TTYH2: variants seen among roughly 807,000 people sequenced by gnomAD.
TTYH2 encodes the protein protein tweety homolog 2.
In TTYH2, 49 loss-of-function variants were observed where a neutral mutation model predicts 68.3. That is an observed-to-expected ratio of 0.72 (90% CI 0.57 to 0.91). The LOEUF is 0.91. Among genes scored for constraint, TTYH2 ranks in the 40% least tolerant of loss-of-function variants. The pLI is 0.00. For synonymous variants in TTYH2, 272 were observed against 300.8 expected (o/e 0.90, Z 0.99); for missense variants, 631 against 700.4 (o/e 0.90, Z 1.12).
chr17:74,250,437 GC>G, intron 10 of TTYH2, 80 bp downstream of exon 10: 1 of 1,209,484 alleles, frequency 8.3e-7, no homozygotes, highest in Non-Finnish European at 1.2e-6. Flanking sequence ...GCCGGTAGAG[GC>G]CGAGGGGAGC....
rs142378984 is a variant in TTYH2 at position 74,222,515 on chromosome 17, G to A, written c.160G>A (p.Val54Ile). The A allele has an allele frequency of 1.0e-4, 164 of 1,611,184 alleles. No individual in the cohort carries two copies. Among genetic ancestry groups the A allele is most frequent in the Non-Finnish European group, 1.3e-4 (151 of 1,179,818 alleles). Reference sequence around the variant, plus strand: ...GCTGTTCCTGGGGCTGGTGGCCGCCGTCTGCCTGGGCCTGAACCTCATCTT... The same window carrying A: ...GCTGTTCCTGGGGCTGGTGGCCGCCATCTGCCTGGGCCTGAACCTCATCTT... ...SLLFLGLVAA[V>I]CLGLNLIFLV... Residue 54 changes from valine to isoleucine, a missense_variant, in exon 2 of 14, where the codon GTC becomes ATC. Coordinates refer to ENST00000269346, the MANE Select transcript of TTYH2 (RefSeq NM_032646.6). This position sits in a 1 kb window ranked among gnomAD's most constrained non-coding sequence, Gnocchi z 5.2.
intron 8 of TTYH2, 23 bp downstream of exon 8, chr17:74,249,422 C>T (rs1258218641): frequency 6.2e-7 from 1 of 1,612,692 alleles, no homozygotes; most frequent in Admixed American, 1.7e-5. Context: ...GAGGCCTGCC[C>T]TCACCCTGCC....
intron 2 of TTYH2, among the ~76,000 whole-genome samples, chr17:74,228,050 C>T (rs1286276195): frequency 7.1e-6 from 1 of 140,864 alleles, no homozygotes; most frequent in Non-Finnish European, 1.5e-5. Flanking sequence ...ATGGTGCAAT[C>T]GTTGCTCCCT....
chr17:74,238,966 C>T (rs2050472160), intron 4 of TTYH2, among the ~76,000 whole-genome samples: 1 of 151,978 alleles, frequency 6.6e-6, no homozygotes, highest in Admixed American at 6.6e-5. Flanking sequence ...CCACCTCAGC[C>T]TCCCAAAGTC....
rs570363155 is a variant in TTYH2 at position 74,239,946 on chromosome 17, G to A, written c.635+2432G>A. On this transcript the variant is annotated intron_variant, in intron 4 of 13. Coordinates refer to ENST00000269346, the MANE Select transcript of TTYH2 (RefSeq NM_032646.6). The surrounding 1 kb of genome is among the most constrained non-coding windows in gnomAD (Gnocchi z 5.3). ...CTCTGAGCACACCTAGCAGAGGACT[G>A]TGTATGTTTAAGGGCCTCATGTGGG... is the stretch of plus-strand genomic sequence containing the variant. Among the ~76,000 whole-genome samples, 1 of 152,352 alleles carries A rather than the reference G, an allele frequency of 6.6e-6. No homozygotes were observed. The highest frequency in any genetic ancestry group is 1.9e-4 in the East Asian group (1 of 5,190).
At chr17:74,238,985 ACAGACATGAGC>A (rs1428875448) in intron 4 of TTYH2, among the ~76,000 whole-genome samples, 1 of 152,066 alleles carries the variant, frequency 6.6e-6, no homozygotes, top group African/African-American at 2.4e-5. Flanking sequence ...TCCAAGGATT[ACAGACATGAGC>A]CACCATGCCC....
rs1029397720 is a variant in TTYH2 at position 74,215,170 on chromosome 17, C to CGTATGTGT, written c.129+1456_129+1457insATGTGTGT. ...AGGCGGATATGATTTCAGAAACAGC[C>CGTATGTGT]GTGTGTGTGTGTGTGTGTGTGTGTG... is the stretch of plus-strand genomic sequence containing the variant. On this transcript the variant is annotated intron_variant, in intron 1 of 13. Transcript: ENST00000269346. This position sits in a 1 kb window ranked among gnomAD's most constrained non-coding sequence, Gnocchi z 4.3. Among the ~76,000 whole-genome samples the CGTATGTGT allele has an allele frequency of 1.8e-4, 26 of 147,384 alleles. No homozygotes were observed. Among genetic ancestry groups the CGTATGTGT allele is most frequent in the Non-Finnish European group, 9.0e-5 (6 of 66,622 alleles).
chr17:74,230,888 T>C lies in TTYH2; in HGVS notation c.303T>C (p.Cys101=). 1 of 1,614,106 alleles carries C rather than the reference T, an allele frequency of 6.2e-7. No individual in the cohort carries two copies. Among genetic ancestry groups the C allele is most frequent in the Non-Finnish European group, 8.5e-7 (1 of 1,179,972 alleles). Residue 101 remains cysteine (C), a splice_region_variant and synonymous_variant, in exon 3 of 14, where the codon TGT becomes TGC. Coordinates refer to ENST00000269346, the MANE Select transcript of TTYH2 (RefSeq NM_032646.6). ...WTAVVAGLIC[C]AAVGVGFYGN... ...CCTCTGTTTGGGATCTTGCTTATAG[T>C]GCTGCGGTGGGCGTTGGTTTCTATG...
chr17:74,227,190 G>T (rs1313470489), intron 2 of TTYH2, among the ~76,000 whole-genome samples: 2 of 152,110 alleles, frequency 1.3e-5, no homozygotes, highest in East Asian at 1.9e-4. Flanking sequence ...GGCCAGGCTG[G>T]TCTCAAACTC....
intron 6 of TTYH2, among the ~76,000 whole-genome samples, chr17:74,246,504 TA>T (rs11288563): frequency 0.067 from 10,146 of 152,058 alleles, 1,123 homozygotes; most frequent in African/African-American, 0.23. Context: ...GTCATCATGC[TA>T]GGGTCACGGG....
At chr17:74,237,159 C>T (rs1310838506) in intron 3 of TTYH2, 135 bp from the exon 4 acceptor site, 24 of 862,154 alleles carry the variant, frequency 2.8e-5, no homozygotes, top group South Asian at 1.6e-4. Flanking sequence ...CTCAGCCTCC[C>T]GAAGTGCTGG....
At chr17:74,230,829 T>C in intron 2 of TTYH2, 59 bp from the exon 3 acceptor site, 1 of 1,564,678 alleles carries the variant, frequency 6.4e-7, no homozygotes, top group Non-Finnish European at 8.8e-7. Flanking sequence ...TTTTTTAATA[T>C]AAGCAAACAT....
intron 2 of TTYH2, among the ~76,000 whole-genome samples, chr17:74,223,172 G>A (rs1050863553): frequency 3.0e-4 from 45 of 151,786 alleles, no homozygotes; most frequent in African/African-American, 8.9e-4. Context: ...GCAGTGGTGC[G>A]ATCACAGCTC....
chr17:74,251,903 G>T (rs189739470), intron 10 of TTYH2: 276 of 315,702 alleles, frequency 8.7e-4, no homozygotes, highest in African/African-American at 5.6e-3. Flanking sequence ...TCTTCTCAAG[G>T]TGTGCTGCTT....
rs2050227589 is a variant in TTYH2, at chr17:74,217,039, C to T, written c.129+3323C>T. Reference sequence around the variant, plus strand: ...GGGAATGGGCACCTGGCACTGAATCCAGCAATGTCTCTCTGAGCAAATGAA... The same window carrying T: ...GGGAATGGGCACCTGGCACTGAATCTAGCAATGTCTCTCTGAGCAAATGAA... On this transcript the variant is annotated intron_variant, in intron 1 of 13. Coordinates refer to ENST00000269346, the MANE Select transcript of TTYH2 (RefSeq NM_032646.6). The surrounding 1 kb of genome is among the most constrained non-coding windows in gnomAD (Gnocchi z 4.0). 6.6e-6 allele frequency among the ~76,000 whole-genome samples: 1 copy of T among 152,220 alleles called. No homozygotes were observed. The highest frequency in any genetic ancestry group is 2.4e-5 in the African/African-American group (1 of 41,452).
intron 4 of TTYH2, among the ~76,000 whole-genome samples, chr17:74,238,231 A>C (rs549647568): frequency 3.9e-5 from 6 of 152,160 alleles, no homozygotes; most frequent in African/African-American, 1.4e-4. Flanking sequence ...GTATCCACAG[A>C]CACAGCCACA....
chr17:74,227,855 C>T (rs191657851), intron 2 of TTYH2, among the ~76,000 whole-genome samples: 324 of 151,736 alleles, frequency 2.1e-3, no homozygotes, highest in Admixed American at 5.6e-3. Context: ...TGGAATGGGC[C>T]GGGCTGCTTA....
chr17:74,261,130 C>T lies in TTYH2; in HGVS notation c.*921C>T, dbSNP rs928145662. On this transcript the variant is annotated 3_prime_UTR_variant, in exon 14 of 14. Transcript: ENST00000269346. Reference sequence around the variant, plus strand: ...ATTCCTTACCCTGGTTAGGTCACTACTTTTGCAGATTTTGCTGGCACTGAT... The same window carrying T: ...ATTCCTTACCCTGGTTAGGTCACTATTTTTGCAGATTTTGCTGGCACTGAT... 2 of 152,636 alleles carry T rather than the reference C, an allele frequency of 1.3e-5. No individual in the cohort carries two copies. The highest frequency in any genetic ancestry group is 4.8e-5 in the African/African-American group (2 of 41,462). 9.5% of individuals were successfully genotyped at this position (152,636 alleles called of 1,614,324 possible).
In TTYH2 at chr17:74,260,352, G is replaced by A. The variant is rs574371682; in HGVS notation, c.*143G>A. 2.1e-4 allele frequency: 170 copies of A among 813,880 alleles called. No individual in the cohort carries two copies. The African/African-American group carries it at 2.5e-3, about 12-fold the overall frequency. 50.4% of individuals were successfully genotyped at this position (813,880 alleles called of 1,614,324 possible). ...TGGCAGAGGAGCAGCTGGGATTCCCGACCAAAGCCCCAGGGGGTGCAGAAG... is the reference window on the plus strand; with the variant it reads ...TGGCAGAGGAGCAGCTGGGATTCCCAACCAAAGCCCCAGGGGGTGCAGAAG... On this transcript the variant is annotated 3_prime_UTR_variant, in exon 14 of 14. Coordinates refer to ENST00000269346, the MANE Select transcript of TTYH2 (RefSeq NM_032646.6).
Sources: allele counts gnomAD v4.1 joint callset (sites outside exome capture counted in the v4.1 genomes callset), GRCh38; gene constraint gnomAD v4.1.1; non-coding constraint Gnocchi (gnomAD v3.1); transcripts MANE v1.5; gene names NCBI Gene and HGNC (gene_info 2026-07-23, HGNC 2026-07-21).